Variants in RGS5 observed in about 807,000 individuals in gnomAD.
The protein encoded by RGS5 is regulator of G-protein signalling 5.
A neutral mutation model predicts 18.9 loss-of-function variants in RGS5; 20 were observed. The observed-to-expected ratio is 1.06, with a 90% CI of 0.74 to 1.54. RGS5 has a LOEUF of 1.54. RGS5 is among the 40% of genes most tolerant of loss of function. RGS5 has a pLI of 0.00. For missense variants in RGS5, 201 were observed against 211.8 expected (o/e 0.95, Z 0.32); for synonymous variants, 57 against 76.2 (o/e 0.75, Z 1.31).
At chr1:163,194,315 C>A (rs1049357587) in intron 1 of RGS5, among the ~76,000 whole-genome samples, 1 of 152,106 alleles carries the variant, frequency 6.6e-6, no homozygotes, top group African/African-American at 2.4e-5. Flanking sequence ...TTGATTGCAT[C>A]TTTTAAGCTA....
intron 1 of RGS5, among the ~76,000 whole-genome samples, chr1:163,209,860 T>TA (rs1660059513): frequency 4.6e-5 from 7 of 152,204 alleles, no homozygotes; most frequent in Admixed American, 3.9e-4. Flanking sequence ...ATCTAATATC[T>TA]ATAGTACAAT....
chr1:163,318,411 TG>T (rs1482258304), intron 1 of RGS5, among the ~76,000 whole-genome samples: 2 of 151,878 alleles, frequency 1.3e-5, no homozygotes, highest in African/African-American at 4.8e-5. Context: ...GCGGTGTAGG[TG>T]GGGGTGGTAG....
intron 2 of RGS5, among the ~76,000 whole-genome samples, chr1:163,263,453 T>C (rs773550807): frequency 2.6e-5 from 4 of 152,196 alleles, no homozygotes; most frequent in African/African-American, 4.8e-5. Context: ...ATTATTAGGC[T>C]AAGTATAACT....
chr1:163,218,058 T>C (rs1428849692), upstream of RGS5, among the ~76,000 whole-genome samples: 1 of 151,942 alleles, frequency 6.6e-6, no homozygotes, highest in Non-Finnish European at 1.5e-5. Context: ...AATTGTGTAA[T>C]ATGGCTTTGC....
chr1:163,169,687 T>C (rs1658215403), intron 1 of RGS5, among the ~76,000 whole-genome samples: 1 of 152,226 alleles, frequency 6.6e-6, no homozygotes, highest in Non-Finnish European at 1.5e-5. Context: ...TGACCACTTT[T>C]TACTGCCAGA....
intron 1 of RGS5, chr1:163,172,472 T>C (rs1392016674): frequency 2.8e-6 from 4 of 1,444,618 alleles, no homozygotes; most frequent in African/African-American, 1.4e-5. Flanking sequence ...ATAGAGTTTT[T>C]TGTGGAATGA....
chr1:163,224,749 G>A (rs182224552), intron 2 of RGS5, among the ~76,000 whole-genome samples: 20 of 152,212 alleles, frequency 1.3e-4, no homozygotes, highest in East Asian at 5.8e-4. Context: ...GAAGTGAGGC[G>A]TTATCTCATT....
In RGS5 at chr1:163,201,381, C is replaced by A. The variant is rs185136387; in HGVS notation, c.44+1411G>T. Among the ~76,000 whole-genome samples, 384 of 152,170 alleles carry A rather than the reference C, an allele frequency of 2.5e-3. 2 individuals are homozygous for A. The highest frequency in any genetic ancestry group is 9.0e-3 in the African/African-American group (373 of 41,542). ...CAATAAATAGTATCCACCTTTAAAA[C>A]CTATCCTCTTCCCCAGGGTTGGTAC... is the stretch of plus-strand genomic sequence containing the variant. On this transcript the variant is annotated intron_variant, in intron 1 of 4. Coordinates refer to ENST00000313961, the MANE Select transcript of RGS5 (RefSeq NM_003617.4).
At chr1:163,231,322 CCCATT>C (rs1220418219) in intron 2 of RGS5, among the ~76,000 whole-genome samples, 1 of 152,112 alleles carries the variant, frequency 6.6e-6, no homozygotes, top group Non-Finnish European at 1.5e-5. Flanking sequence ...AGTTATTATT[CCCATT>C]TTACAGGCAA....
intron 2 of RGS5, among the ~76,000 whole-genome samples, chr1:163,303,795 T>C (rs11582919): frequency 0.42 from 63,288 of 151,986 alleles, 13,686 homozygotes; most frequent in South Asian, 0.5. Context: ...TGAGATCAGC[T>C]GCACATTTGA....
At chr1:163,190,317 G>A (rs1055988751) in intron 1 of RGS5, among the ~76,000 whole-genome samples, 1 of 152,128 alleles carries the variant, frequency 6.6e-6, no homozygotes, top group Non-Finnish European at 1.5e-5. Flanking sequence ...TCAATTATTA[G>A]CTTGCTATTG....
chr1:163,188,741 T>C lies in RGS5; in HGVS notation c.44+14051A>G, dbSNP rs1035250397. The stretch of plus-strand genomic sequence containing the variant: ...TTGGGAGGCCGAGCCAGGCAGATCA[T>C]GAGGTCAAGAGATCAAGACCATCCT... On this transcript the variant is annotated intron_variant, in intron 1 of 4. Transcript: ENST00000313961. Among the ~76,000 whole-genome samples, 113 of 151,998 alleles carry C rather than the reference T, an allele frequency of 7.4e-4. 2 individuals carry two copies. The highest frequency in any genetic ancestry group is 2.7e-3 in the African/African-American group (112 of 41,394).
intron 1 of RGS5, among the ~76,000 whole-genome samples, chr1:163,180,602 T>A (rs567274689): frequency 1.3e-5 from 2 of 149,754 alleles, no homozygotes; most frequent in African/African-American, 4.8e-5. Context: ...AACACACAGA[T>A]TATTGCTACA....
chr1:163,272,930 G>C (rs1648757061), intron 2 of RGS5, among the ~76,000 whole-genome samples: 1 of 151,876 alleles, frequency 6.6e-6, no homozygotes, highest in South Asian at 2.1e-4. Flanking sequence ...TCGTGGTTTT[G>C]TTTCCATTCA....
chr1:163,276,470 C>T (rs146618394), intron 2 of RGS5, among the ~76,000 whole-genome samples: 2 of 152,106 alleles, frequency 1.3e-5, no homozygotes, highest in African/African-American at 4.8e-5. Context: ...ACGATGCTTA[C>T]GTTCGTATAT....
At chr1:163,278,758 G>A (rs956683661) in intron 2 of RGS5, among the ~76,000 whole-genome samples, 1 of 152,060 alleles carries the variant, frequency 6.6e-6, no homozygotes, top group Non-Finnish European at 1.5e-5. Context: ...TAGACTGGCT[G>A]AGTGAATTAA....
intron 2 of RGS5, among the ~76,000 whole-genome samples, chr1:163,305,499 A>G (rs1649672328): frequency 6.6e-6 from 1 of 152,196 alleles, no homozygotes; most frequent in African/African-American, 2.4e-5. Context: ...AGCTTCAGAA[A>G]CTATTGGTCC....
chr1:163,239,920 G>A, intron 2 of RGS5, among the ~76,000 whole-genome samples: 1 of 152,152 alleles, frequency 6.6e-6, no homozygotes, highest in African/African-American at 2.4e-5. Context: ...TTTCAATTGA[G>A]ATAACTGGAT....
chr1:163,188,214 G>A (rs1311834880), intron 1 of RGS5, among the ~76,000 whole-genome samples: 1 of 152,114 alleles, frequency 6.6e-6, no homozygotes, highest in Non-Finnish European at 1.5e-5. Context: ...GATATGTAAG[G>A]AAATACAAAC....
Sources: allele counts gnomAD v4.1 joint callset (sites outside exome capture counted in the v4.1 genomes callset), GRCh38; gene constraint gnomAD v4.1.1; transcripts MANE v1.5; gene names NCBI Gene and HGNC (gene_info 2026-07-23, HGNC 2026-07-21).